ENTREP2: variants seen among roughly 807,000 people sequenced by gnomAD.
ENTREP2 encodes the protein protein ENTREP2.
the ENTREP2 span, among the ~76,000 whole-genome samples, chr15:29,464,228 T>TA: frequency 1.3e-3 from 186 of 144,546 alleles, no homozygotes; most frequent in African/African-American, 4.4e-3. Flanking sequence ...ACCATGATAC[T>TA]AAAAAAAAAA....
chr15:29,300,629 C>G, the ENTREP2 span, among the ~76,000 whole-genome samples: 1 of 152,098 alleles, frequency 6.6e-6, no homozygotes, highest in Non-Finnish European at 1.5e-5. Context: ...GATGGAGTCT[C>G]GCTCTGTCAG....
the ENTREP2 span, among the ~76,000 whole-genome samples, chr15:29,389,301 C>T: frequency 6.6e-6 from 1 of 152,164 alleles, no homozygotes; most frequent in African/African-American, 2.4e-5. Context: ...TTCGTTATGG[C>T]AGCCTAAGTA....
the ENTREP2 span, among the ~76,000 whole-genome samples, chr15:29,311,693 C>A: frequency 6.6e-6 from 1 of 151,268 alleles, no homozygotes; most frequent in South Asian, 2.1e-4. Flanking sequence ...CCATCCCCCC[C>A]CCAAAAAAAA....
the ENTREP2 span, among the ~76,000 whole-genome samples, chr15:29,343,813 A>C: frequency 6.6e-6 from 1 of 152,212 alleles, no homozygotes; most frequent in Non-Finnish European, 1.5e-5. Context: ...AACAGAAAGT[A>C]AAATTTGGGG....
chr15:29,257,223 G>A, the ENTREP2 span, among the ~76,000 whole-genome samples: 39 of 152,088 alleles, frequency 2.6e-4, no homozygotes, highest in African/African-American at 9.2e-4. Flanking sequence ...ACAGGCATGC[G>A]CCACCACACC....
chr15:29,278,428 C>G, the ENTREP2 span, among the ~76,000 whole-genome samples: 1 of 152,216 alleles, frequency 6.6e-6, no homozygotes, highest in African/African-American at 2.4e-5. Flanking sequence ...GAATAGTCCT[C>G]CAAGACCCTG....
At chr15:29,357,568 T>G in the ENTREP2 span, among the ~76,000 whole-genome samples, 41 of 152,294 alleles carry the variant, frequency 2.7e-4, no homozygotes, top group Non-Finnish European at 3.2e-4. Flanking sequence ...CCAGGCGTGG[T>G]GGCTCACGCC....
chr15:29,222,440 T>C, the ENTREP2 span, among the ~76,000 whole-genome samples: 1,857 of 152,266 alleles, frequency 0.012, 41 homozygotes, highest in African/African-American at 0.042. Context: ...TAATAAACTT[T>C]CACTTTACTC....
At chr15:29,138,227 C>CGAGAT in the ENTREP2 span, among the ~76,000 whole-genome samples, 3 of 152,096 alleles carry the variant, frequency 2.0e-5, no homozygotes, top group Admixed American at 2.0e-4. Flanking sequence ...CCTTGAACAC[C>CGAGAT]GAGATGCTGC....
the ENTREP2 span, among the ~76,000 whole-genome samples, chr15:29,617,039 A>C: frequency 6.6e-6 from 1 of 152,216 alleles, no homozygotes; most frequent in Non-Finnish European, 1.5e-5. Context: ...CAGTCTGGGC[A>C]ACTGAGTGAG....
chr15:29,171,570 GT>G, the ENTREP2 span, among the ~76,000 whole-genome samples: 4 of 151,960 alleles, frequency 2.6e-5, no homozygotes, highest in Non-Finnish European at 5.9e-5. Context: ...TTAAGGTATA[GT>G]TTTTTTCCTT....
chr15:29,138,623 G>A, the ENTREP2 span, among the ~76,000 whole-genome samples: 2 of 149,562 alleles, frequency 1.3e-5, no homozygotes, highest in Non-Finnish European at 3.0e-5. Context: ...GTATGTATGT[G>A]TATGTGCATG....
the ENTREP2 span, among the ~76,000 whole-genome samples, chr15:29,149,367 A>G: frequency 6.6e-6 from 1 of 152,228 alleles, no homozygotes; most frequent in African/African-American, 2.4e-5. Flanking sequence ...ATTACAACAA[A>G]TATCACTGGC....
At chr15:29,121,594 G>GGACTT in the ENTREP2 span, 1 of 152,238 alleles carries the variant, frequency 6.6e-6, no homozygotes, top group South Asian at 2.1e-4. Flanking sequence ...ACCTGCAAAG[G>GGACTT]GACTTGCCTT....
At chr15:29,405,115 G>A in the ENTREP2 span, among the ~76,000 whole-genome samples, 23 of 152,284 alleles carry the variant, frequency 1.5e-4, no homozygotes, top group Admixed American at 7.2e-4. Context: ...CTGGCTGGGC[G>A]TGGTGGCTCA....
the ENTREP2 span, among the ~76,000 whole-genome samples, chr15:29,160,690 C>A: frequency 9.0e-6 from 1 of 111,488 alleles, no homozygotes; most frequent in African/African-American, 3.8e-5. Flanking sequence ...GCCTGGGTGA[C>A]AGAGTGAGAC....
chr15:29,627,151 G>T, the ENTREP2 span, among the ~76,000 whole-genome samples: 1 of 152,050 alleles, frequency 6.6e-6, no homozygotes, highest in African/African-American at 2.4e-5. Flanking sequence ...ATTTCGATGT[G>T]ATGTGTTTTC....
the ENTREP2 span, among the ~76,000 whole-genome samples, chr15:29,251,297 A>G: frequency 6.6e-6 from 1 of 152,224 alleles, no homozygotes; most frequent in East Asian, 1.9e-4. Flanking sequence ...CAGGAGTTTA[A>G]GTATATTCAT....
At chr15:29,254,538 T>G in the ENTREP2 span, among the ~76,000 whole-genome samples, 2 of 152,186 alleles carry the variant, frequency 1.3e-5, no homozygotes, top group East Asian at 3.9e-4. Flanking sequence ...TTAGACATAG[T>G]CTTTGACACA....
Sources: allele counts gnomAD v4.1 joint callset (sites outside exome capture counted in the v4.1 genomes callset), GRCh38; gene constraint gnomAD v4.1.1; transcripts MANE v1.5; gene names NCBI Gene and HGNC (gene_info 2026-07-23, HGNC 2026-07-21).